The following BCR variants were observed in gnomAD, a reference collection of about 807,000 sequenced individuals.
BCR encodes breakpoint cluster region protein.
BCR carries 58 observed loss-of-function variants against 138.6 expected under a neutral mutation model. The observed-to-expected ratio is 0.42, with a 90% CI of 0.34 to 0.52. The LOEUF is 0.52. Ranked by LOEUF, BCR falls within the 20% of genes least tolerant of loss-of-function variation. The pLI is 0.06. For synonymous variants in BCR, 786 were observed against 730.1 expected (o/e 1.08, Z -1.23); for missense variants, 1,599 against 1,727.2 (o/e 0.93, Z 1.32).
At chr22:23,202,219 G>A (rs2072560922) in intron 1 of BCR, among the ~76,000 whole-genome samples, 1 of 152,014 alleles carries the variant, frequency 6.6e-6, no homozygotes, top group Admixed American at 6.6e-5. Flanking sequence ...TAGCTTCACT[G>A]AGGTAATTCA....
intron 12 of BCR, 117 bp from the exon 13 acceptor site, chr22:23,289,400 T>TG: frequency 1.2e-6 from 1 of 818,448 alleles, no homozygotes; most frequent in South Asian, 1.7e-5. Flanking sequence ...CCCCAAGCCC[T>TG]GGCACCAGTT....
At chr22:23,297,771 G>T (rs926611331) in intron 16 of BCR, among the ~76,000 whole-genome samples, 4 of 152,208 alleles carry the variant, frequency 2.6e-5, no homozygotes, top group African/African-American at 9.6e-5. Context: ...GGAGTGGCTG[G>T]ATTTGAACCA....
Position 23,181,511 on chromosome 22 carries a change from A to T in BCR, c.551A>T (p.His184Leu). 1 of 1,612,596 alleles carries T rather than the reference A, an allele frequency of 6.2e-7. No homozygotes were observed. Among genetic ancestry groups the T allele is most frequent in the Non-Finnish European group, 8.5e-7 (1 of 1,179,674 alleles). Residue 184 changes from histidine to leucine, a missense_variant, in exon 1 of 23, where the codon CAC becomes CTC. This residue lies in a region of BCR where 806 missense variants were observed against 635.0 expected (regional missense o/e 1.27). Transcript: ENST00000305877. ...KPFYVNVEFH[H>L]ERGLVKVNDK... Reference sequence around the variant, plus strand: ...TTCTACGTGAACGTCGAGTTTCACCACGAGCGCGGCCTGGTGAAGGTCAAC... The same window carrying T: ...TTCTACGTGAACGTCGAGTTTCACCTCGAGCGCGGCCTGGTGAAGGTCAAC...
chr22:23,186,265 T>A (rs763439038), intron 1 of BCR, among the ~76,000 whole-genome samples: 1 of 152,226 alleles, frequency 6.6e-6, no homozygotes, highest in African/African-American at 2.4e-5. Flanking sequence ...GGCTGTGTGC[T>A]TTTCTTTAAA....
At position 23,314,795 on chromosome 22, in the gene BCR, ATCT is replaced by A. The variant is rs1336957441; in HGVS notation, c.3726+86_3726+88del. 46 of 1,527,840 alleles carry A rather than the reference ATCT, an allele frequency of 3.0e-5. No homozygotes were observed. The East Asian group carries it at 9.7e-4, about 32-fold the overall frequency. The allele number at this position is 1,527,840 out of a possible 1,614,324, so 94.6% of individuals were successfully genotyped here. A position where few individuals can be genotyped will look rare whatever the true frequency, so the allele number is the denominator to read the frequency against. On this transcript the variant is annotated intron_variant, in intron 22 of 22. Coordinates refer to ENST00000305877, the MANE Select transcript of BCR (RefSeq NM_004327.4). ...GCCTGCCCCACCCCCAGTCCTGCCCATCTTCTTACTTGCATTGTATGTGGTGTG... is the reference window on the plus strand; with the variant it reads ...GCCTGCCCCACCCCCAGTCCTGCCCATCTTACTTGCATTGTATGTGGTGTG...
chr22:23,279,706 C>T (rs916133259), intron 8 of BCR, among the ~76,000 whole-genome samples: 13 of 152,236 alleles, frequency 8.5e-5, no homozygotes, highest in Non-Finnish European at 1.5e-4. Context: ...CAGTCAAGGC[C>T]CTGCTGATTT....
intron 1 of BCR, among the ~76,000 whole-genome samples, chr22:23,235,812 G>A (rs761150353): frequency 6.6e-6 from 1 of 152,184 alleles, no homozygotes; most frequent in Non-Finnish European, 1.5e-5. Context: ...CCATCTTCTT[G>A]CTGTGTTCTC....
chr22:23,293,251 C>T (rs1241255995), intron 15 of BCR, among the ~76,000 whole-genome samples: 1 of 152,080 alleles, frequency 6.6e-6, no homozygotes, highest in Admixed American at 6.5e-5. Context: ...GCTGTGACCT[C>T]GAAGGTCTCA....
chr22:23,187,279 T>C (rs1429576594), intron 1 of BCR, among the ~76,000 whole-genome samples: 2 of 49,986 alleles, frequency 4.0e-5, no homozygotes, highest in South Asian at 5.9e-4. Flanking sequence ...CTTAAAATAC[T>C]TTTTTTTTTT....
At chr22:23,294,482 C>G (rs995915942) in intron 15 of BCR, among the ~76,000 whole-genome samples, 1 of 152,166 alleles carries the variant, frequency 6.6e-6, no homozygotes, top group Admixed American at 6.5e-5. Flanking sequence ...CTTACTGCAG[C>G]CTCCGCCTCC....
intron 1 of BCR, among the ~76,000 whole-genome samples, chr22:23,246,100 G>T (rs774844953): frequency 6.6e-6 from 1 of 152,118 alleles, no homozygotes; most frequent in Non-Finnish European, 1.5e-5. Context: ...AGGTTCATCC[G>T]TGTTGTAGCA....
At chr22:23,237,393 T>C (rs2073039087) in intron 1 of BCR, among the ~76,000 whole-genome samples, 1 of 151,982 alleles carries the variant, frequency 6.6e-6, no homozygotes, top group Admixed American at 6.6e-5. Flanking sequence ...CGATTGGGAG[T>C]AACAGGTGGG....
At chr22:23,249,088 C>T (rs1412265110) in intron 1 of BCR, among the ~76,000 whole-genome samples, 1 of 152,012 alleles carries the variant, frequency 6.6e-6, no homozygotes, top group Non-Finnish European at 1.5e-5. Flanking sequence ...AGTTTAAGAT[C>T]AGCCTGGACA....
chr22:23,181,051 A>C lies in BCR; in HGVS notation c.91A>C (p.Ile31Leu), dbSNP rs1271305252. The change falls in exon 1 of 23, where the codon ATC becomes CTC. Residue 31 changes from isoleucine (I) to leucine (L), a missense_variant. By Grantham distance (5) the Ile-to-Leu change is conservative. Around this residue, in one of 4 missense-constraint regions of BCR, gnomAD observed 806 missense variants for 635.0 expected, o/e 1.27. Coordinates refer to ENST00000305877, the MANE Select transcript of BCR (RefSeq NM_004327.4). ...CATGGAGCTGCGCTCAGTGGGCGAC[A>C]TCGAGCAGGAGCTGGAGCGCTGCAA... ...PRMELRSVGD[I>L]EQELERCKAS... 1 of 1,521,076 alleles carries C rather than the reference A, an allele frequency of 6.6e-7. No homozygotes were observed. The highest frequency in any genetic ancestry group is 2.6e-5 in the East Asian group (1 of 38,756). 94.2% of individuals were successfully genotyped at this position (1,521,076 alleles called of 1,614,324 possible). A position where few individuals can be genotyped will look rare whatever the true frequency, so the allele number is the denominator to read the frequency against.
At chr22:23,229,903 C>G (rs771040405) in intron 1 of BCR, among the ~76,000 whole-genome samples, 2 of 152,102 alleles carry the variant, frequency 1.3e-5, no homozygotes, top group Non-Finnish European at 2.9e-5. Flanking sequence ...GGGTCTCCAC[C>G]CCAGGGAGGC....
intron 21 of BCR, among the ~76,000 whole-genome samples, chr22:23,314,348 T>A (rs567725756): frequency 6.6e-5 from 10 of 152,192 alleles, no homozygotes; most frequent in Middle Eastern, 3.4e-3. Flanking sequence ...CCGAGTCACA[T>A]CAAGTAGGAG....
chr22:23,314,668 A>C lies in BCR; in HGVS notation c.3680A>C (p.Gln1227Pro). 2 of 1,610,766 alleles carry C rather than the reference A, an allele frequency of 1.2e-6. No homozygotes were observed. The highest frequency in any genetic ancestry group is 1.7e-6 in the Non-Finnish European group (2 of 1,179,660). ...KESKLPANPS[Q>P]PITMTDSWSL... ...AGCAAGCTCCCTGCCAACCCCAGCC[A>C]GCCTATCACCATGACTGACAGCTGG... Residue 1227 changes from glutamine (Q) to proline (P), a missense_variant, in exon 22 of 23, where the codon CAG becomes CCG. This residue lies in a region of BCR where 177 missense variants were observed against 226.4 expected (regional missense o/e 0.78). Coordinates refer to ENST00000305877, the MANE Select transcript of BCR (RefSeq NM_004327.4).
At chr22:23,292,333 A>G (rs932246658) in intron 14 of BCR, among the ~76,000 whole-genome samples, 2 of 152,238 alleles carry the variant, frequency 1.3e-5, no homozygotes, top group African/African-American at 4.8e-5. Flanking sequence ...GCACCCAGGG[A>G]AATTCCACAG....
At chr22:23,276,095 G>A (rs894317038) in intron 8 of BCR, among the ~76,000 whole-genome samples, 14 of 152,166 alleles carry the variant, frequency 9.2e-5, no homozygotes, top group African/African-American at 3.4e-4. Context: ...AGGAGGAAGT[G>A]TAATTTAAGA....
Sources: allele counts gnomAD v4.1 joint callset (sites outside exome capture counted in the v4.1 genomes callset), GRCh38; gene constraint gnomAD v4.1.1; regional missense constraint gnomAD v4.1.1; transcripts MANE v1.5; gene names NCBI Gene and HGNC (gene_info 2026-07-23, HGNC 2026-07-21).